The following CACNG3 variants were observed in gnomAD, a reference collection of about 807,000 sequenced individuals.
The protein encoded by CACNG3 is voltage-dependent calcium channel gamma-3 subunit.
In CACNG3, 3 loss-of-function variants were observed where a neutral mutation model predicts 28.5. That is an observed-to-expected ratio of 0.11 (90% CI 0.05 to 0.27). The LOEUF (loss-of-function observed/expected upper bound fraction) is 0.27, where lower values mean the gene tolerates loss of function less well. CACNG3 is among the 10% of genes least tolerant of loss of function. The pLI is 1.00. For missense variants in CACNG3, 236 were observed against 414.4 expected (o/e 0.57, Z 3.74); for synonymous variants, 174 against 162.2 (o/e 1.07, Z -0.55).
At chr16:24,322,406 C>A (rs1899475754) in intron 1 of CACNG3, among the ~76,000 whole-genome samples, 1 of 152,114 alleles carries the variant, frequency 6.6e-6, no homozygotes, top group African/African-American at 2.4e-5. Context: ...TTCACAGCCA[C>A]AGTTTCTCTT....
Position 24,344,472 on chromosome 16 carries a change from G to T in CACNG3, c.212-2262G>T, listed in dbSNP as rs1040019274. ...CCTGGTATATAGTAGGTGCACACGT[G>T]TGTTACTTATTATGATTTCTTATCC... On this transcript the variant is annotated intron_variant, in intron 1 of 3. Transcript: ENST00000005284. Among the ~76,000 whole-genome samples, 3 of 151,970 alleles carry T rather than the reference G, an allele frequency of 2.0e-5. No homozygotes were observed. In the East Asian group the frequency reaches 5.8e-4, roughly 29 times the overall value.
rs116864852 is a variant in CACNG3, at chr16:24,280,401, C to T, written c.211+23436C>T. Among the ~76,000 whole-genome samples, 155 of 152,264 alleles carry T rather than the reference C, an allele frequency of 1.0e-3. 1 individual carries two copies. In the East Asian group the frequency reaches 0.028, roughly 28 times the overall value. On this transcript the variant is annotated intron_variant, in intron 1 of 3. Coordinates refer to ENST00000005284, the MANE Select transcript of CACNG3 (RefSeq NM_006539.4). ...TTCTCAACCATAATTTGGAAAAGGG[C>T]AATGTTGTTTTCGTCCTTAAAACGC... is the stretch of plus-strand genomic sequence containing the variant.
chr16:24,302,159 G>A (rs913584152), intron 1 of CACNG3, among the ~76,000 whole-genome samples: 2 of 152,106 alleles, frequency 1.3e-5, no homozygotes, highest in African/African-American at 2.4e-5. Context: ...CTTGTCATCC[G>A]GCTTCCTCTC....
chr16:24,290,959 G>A (rs1317911660), intron 1 of CACNG3, among the ~76,000 whole-genome samples: 2 of 152,084 alleles, frequency 1.3e-5, no homozygotes, highest in Non-Finnish European at 2.9e-5. Context: ...AAGGCAGATG[G>A]CAAACTCCCC....
At chr16:24,354,732 C>T in intron 2 of CACNG3, 101 bp from the exon 3 acceptor site, 1 of 1,219,216 alleles carries the variant, frequency 8.2e-7, no homozygotes, top group East Asian at 2.3e-5. Flanking sequence ...GCTCTGTTCT[C>T]TTCCTGTGCT....
intron 1 of CACNG3, among the ~76,000 whole-genome samples, chr16:24,267,174 G>A (rs1330096253): frequency 6.6e-6 from 1 of 152,038 alleles, no homozygotes; most frequent in Non-Finnish European, 1.5e-5. Context: ...CACCGTGTTA[G>A]CCAGGACAGT....
At chr16:24,266,052 T>C (rs776391369) in intron 1 of CACNG3, among the ~76,000 whole-genome samples, 9 of 152,218 alleles carry the variant, frequency 5.9e-5, no homozygotes, top group Non-Finnish European at 1.2e-4. Context: ...TAATCAGATA[T>C]TCTTTCTTTC....
At position 24,256,720 on chromosome 16, in the gene CACNG3, C is replaced by G; in HGVS notation, c.-35C>G. 1 of 1,476,396 alleles carries G rather than the reference C, an allele frequency of 6.8e-7. No individual in the cohort carries two copies. The highest frequency in any genetic ancestry group is 1.4e-5 in the African/African-American group (1 of 72,384). The allele number at this position is 1,476,396 out of a possible 1,614,324, so 91.5% of individuals were successfully genotyped here. On this transcript the variant is annotated 5_prime_UTR_variant, in exon 1 of 4. Coordinates refer to ENST00000005284, the MANE Select transcript of CACNG3 (RefSeq NM_006539.4). The surrounding 1 kb of genome is among the most constrained non-coding windows in gnomAD (Gnocchi z 4.6). Reference sequence around the variant, plus strand: ...CCCCTCCGGCACTGACTCTCCCCCTCCAACCCCCAGCCGTCCAGAGTACCA... The same window carrying G: ...CCCCTCCGGCACTGACTCTCCCCCTGCAACCCCCAGCCGTCCAGAGTACCA...
At chr16:24,345,422 C>T (rs990295015) in intron 1 of CACNG3, among the ~76,000 whole-genome samples, 4 of 152,166 alleles carry the variant, frequency 2.6e-5, no homozygotes, top group Admixed American at 6.5e-5. Context: ...ACACCTCAGC[C>T]GGGCAAGGTG....
chr16:24,319,753 C>G (rs1051064678), intron 1 of CACNG3, among the ~76,000 whole-genome samples: 2 of 151,386 alleles, frequency 1.3e-5, no homozygotes, highest in African/African-American at 4.9e-5. Flanking sequence ...CATGCCCAGA[C>G]TTGTCAGGGT....
At chr16:24,345,920 G>A (rs1011134388) in intron 1 of CACNG3, among the ~76,000 whole-genome samples, 23 of 152,074 alleles carry the variant, frequency 1.5e-4, no homozygotes, top group Admixed American at 1.1e-3. Context: ...TTGGAATGCC[G>A]GTTCTATTTA....
chr16:24,317,610 G>GAAAGGA (rs1555460540), intron 1 of CACNG3, among the ~76,000 whole-genome samples: 5 of 66,590 alleles, frequency 7.5e-5, no homozygotes, highest in Non-Finnish European at 1.2e-4. Context: ...AAGAAAGAAA[G>GAAAGGA]AAAGAAAGAA....
At chr16:24,280,202 G>A (rs186157678) in intron 1 of CACNG3, among the ~76,000 whole-genome samples, 161 of 152,304 alleles carry the variant, frequency 1.1e-3, no homozygotes, top group Non-Finnish European at 1.7e-3. Flanking sequence ...GTGTGTAACC[G>A]TCATTTCAGC....
chr16:24,261,078 T>C (rs1898531214), intron 1 of CACNG3, among the ~76,000 whole-genome samples: 1 of 152,212 alleles, frequency 6.6e-6, no homozygotes, highest in Non-Finnish European at 1.5e-5. Context: ...AATGTTATTT[T>C]CCCTCTTTGG....
intron 1 of CACNG3, among the ~76,000 whole-genome samples, chr16:24,309,676 A>G (rs972925581): frequency 1.3e-5 from 2 of 152,248 alleles, no homozygotes; most frequent in Non-Finnish European, 2.9e-5. Flanking sequence ...AGCAGTAAGA[A>G]TAATCTTTTT....
At chr16:24,318,724 A>G (rs1051209995) in intron 1 of CACNG3, among the ~76,000 whole-genome samples, 12 of 152,222 alleles carry the variant, frequency 7.9e-5, no homozygotes, top group East Asian at 1.9e-4. Flanking sequence ...AGTTTTGGGC[A>G]TATTCTGGGT....
intron 1 of CACNG3, among the ~76,000 whole-genome samples, chr16:24,331,617 T>G (rs59391508): frequency 0.027 from 4,182 of 152,274 alleles, 136 homozygotes; most frequent in African/African-American, 0.077. Context: ...CTGAAAACCC[T>G]CCAAAGCCTG....
At chr16:24,313,707 G>A (rs187600992) in intron 1 of CACNG3, among the ~76,000 whole-genome samples, 3 of 151,996 alleles carry the variant, frequency 2.0e-5, no homozygotes, top group African/African-American at 7.2e-5. Context: ...TGGTGCTCCT[G>A]CCTCAGCCTC....
Position 24,346,780 on chromosome 16 carries a change from T to C in CACNG3, c.258T>C (p.Asp86=). Residue 86 remains aspartate (D), a synonymous_variant, in exon 2 of 4, where the codon GAT becomes GAC. Transcript: ENST00000005284. The part of the protein sequence containing the change: ...VCKKIDHFPE[D]ADYEQDTAEY... ...AGAAAATCGATCACTTCCCTGAAGA[T>C]GCTGACTACGAACAGGACACAGCCG... 1 of 1,614,212 alleles carries C rather than the reference T, an allele frequency of 6.2e-7. No individual in the cohort carries two copies. Among genetic ancestry groups the C allele is most frequent in the Non-Finnish European group, 8.5e-7 (1 of 1,180,012 alleles).
Sources: allele counts gnomAD v4.1 joint callset (sites outside exome capture counted in the v4.1 genomes callset), GRCh38; gene constraint gnomAD v4.1.1; non-coding constraint Gnocchi (gnomAD v3.1); transcripts MANE v1.5; gene names NCBI Gene and HGNC (gene_info 2026-07-23, HGNC 2026-07-21).